The following PSMA1 variants were observed in gnomAD, a reference collection of about 807,000 sequenced individuals.
The protein encoded by PSMA1 is proteasome subunit alpha type-1.
In PSMA1, 3 loss-of-function variants were observed where a neutral mutation model predicts 38.4. The observed-to-expected ratio is 0.08, with a 90% confidence interval of 0.04 to 0.20. PSMA1 has a LOEUF of 0.20. Ranked by LOEUF, PSMA1 falls within the 10% of genes least tolerant of loss-of-function variation. The pLI, the probability that PSMA1 is intolerant of heterozygous loss-of-function variation, is 1.00. For synonymous variants in PSMA1, 101 were observed against 107.1 expected, an observed-to-expected ratio of 0.94 and a Z score of 0.35; for missense variants, 227 against 325.3, an observed-to-expected ratio of 0.70 and a Z score of 2.32.
At chr11:14,600,563 G>C (rs951294593) in intron 2 of PSMA1, among the ~76,000 whole-genome samples, 1 of 152,358 alleles carries the variant, frequency 6.6e-6, no homozygotes, top group South Asian at 2.1e-4. Context: ...GCACGGAAGA[G>C]AATCACCTTG....
At chr11:14,599,014 T>TA (rs1852542188) in intron 2 of PSMA1, among the ~76,000 whole-genome samples, 3 of 152,134 alleles carry the variant, frequency 2.0e-5, no homozygotes, top group Admixed American at 2.0e-4. Context: ...TTTGGCTGGA[T>TA]ATGAAATTCT....
intron 2 of PSMA1, among the ~76,000 whole-genome samples, chr11:14,553,472 C>A (rs1589990951): frequency 6.6e-6 from 1 of 152,146 alleles, no homozygotes; most frequent in Non-Finnish European, 1.5e-5. Flanking sequence ...TATGGTCACA[C>A]CTGTACTGCC....
At chr11:14,631,855 T>C (rs1190290363) in intron 1 of PSMA1, among the ~76,000 whole-genome samples, 2 of 150,894 alleles carry the variant, frequency 1.3e-5, no homozygotes, top group East Asian at 1.9e-4. Flanking sequence ...TGCTCCTGTA[T>C]TGGGTGCATA....
At chr11:14,514,195 T>C in intron 5 of PSMA1, 1 of 1,344,344 alleles carries the variant, frequency 7.4e-7, no homozygotes, top group Non-Finnish European at 9.5e-7. Flanking sequence ...TCTAAAAAGA[T>C]GCTTAGATGA....
At chr11:14,510,845 T>C (rs1851330767) in intron 8 of PSMA1, 27 bp downstream of exon 8, 15 of 1,514,654 alleles carry the variant, frequency 9.9e-6, no homozygotes, top group African/African-American at 1.4e-5. Flanking sequence ...AACGTTAATA[T>C]CTACAATTGG....
At chr11:14,553,341 AT>A (rs1461896245) in intron 2 of PSMA1, among the ~76,000 whole-genome samples, 1 of 152,116 alleles carries the variant, frequency 6.6e-6, no homozygotes, top group Non-Finnish European at 1.5e-5. Flanking sequence ...GTTTTTACCT[AT>A]ACTCGTGTGT....
intron 1 of PSMA1, among the ~76,000 whole-genome samples, chr11:14,628,143 T>C (rs1409076287): frequency 1.3e-5 from 2 of 152,188 alleles, no homozygotes; most frequent in Non-Finnish European, 2.9e-5. Flanking sequence ...ATCTAATGCC[T>C]GATGATCTGA....
chr11:14,558,949 T>G (rs1196038941), intron 2 of PSMA1, among the ~76,000 whole-genome samples: 1 of 152,196 alleles, frequency 6.6e-6, no homozygotes, highest in Admixed American at 6.5e-5. Flanking sequence ...GAGCTCTGGG[T>G]TGTTGGTCAA....
chr11:14,584,491 G>GTTTTTTTTTT (rs1442575192), intron 2 of PSMA1, among the ~76,000 whole-genome samples: 1 of 134,088 alleles, frequency 7.5e-6, no homozygotes, highest in African/African-American at 3.0e-5. Flanking sequence ...GGTTTGGAGT[G>GTTTTTTTTTT]TTTTTTTTGT....
Position 14,633,397 on chromosome 11 carries a change from G to A in PSMA1, c.-166+10058C>T, listed in dbSNP as rs1233461700. ...TGCAGGTCTGTTGGAGTACCCTGCC[G>A]TGTGAGGTGTCAGTGTGCCCCTGCT... On this transcript the variant is annotated intron_variant, in intron 1 of 10. Coordinates refer to the PSMA1 transcript ENST00000418988. Among the ~76,000 whole-genome samples the A allele has an allele frequency of 3.9e-5, 6 of 151,948 alleles. No individual in the cohort carries two copies. In the East Asian group the frequency reaches 7.7e-4, roughly 20 times the overall value.
intron 1 of PSMA1, among the ~76,000 whole-genome samples, chr11:14,623,950 G>T (rs79437470): frequency 6.6e-6 from 1 of 152,218 alleles, no homozygotes; most frequent in Admixed American, 6.5e-5. Context: ...GTACAGGCTT[G>T]TCTTTCCTGA....
chr11:14,513,933 T>C, intron 5 of PSMA1, 46 bp from the exon 6 acceptor site: 1 of 1,530,960 alleles, frequency 6.5e-7, no homozygotes, highest in Non-Finnish European at 8.7e-7. Flanking sequence ...TGAAGTACTG[T>C]CTTTATTTTC....
intron 1 of PSMA1, among the ~76,000 whole-genome samples, chr11:14,632,453 T>C (rs1189412607): frequency 7.0e-6 from 1 of 142,840 alleles, no homozygotes; most frequent in Non-Finnish European, 1.5e-5. Context: ...TATGAAATTC[T>C]GGGTTGAAAA....
chr11:14,536,455 A>G (rs1302056336), intron 2 of PSMA1, among the ~76,000 whole-genome samples: 1 of 151,794 alleles, frequency 6.6e-6, no homozygotes, highest in Admixed American at 6.6e-5. Context: ...TGAACCCGGG[A>G]GGTGGAGGTT....
intron 2 of PSMA1, among the ~76,000 whole-genome samples, chr11:14,549,454 C>A (rs1851862534): frequency 6.6e-6 from 1 of 152,128 alleles, no homozygotes; most frequent in Non-Finnish European, 1.5e-5. Context: ...GTAATCCCAG[C>A]ACTTTGGGAG....
chr11:14,547,011 T>A (rs1209380012), intron 2 of PSMA1, among the ~76,000 whole-genome samples: 1 of 152,214 alleles, frequency 6.6e-6, no homozygotes, highest in Non-Finnish European at 1.5e-5. Context: ...AGGAAAACAG[T>A]GGCTCAAGTT....
chr11:14,523,690 C>A (rs754082697), upstream of PSMA1, among the ~76,000 whole-genome samples: 2 of 151,560 alleles, frequency 1.3e-5, no homozygotes, highest in Non-Finnish European at 2.9e-5. Flanking sequence ...CCCAAGTGAT[C>A]CTCCTACCTC....
chr11:14,505,547 CTTTTTT>C (rs1851231768), intron 9 of PSMA1, among the ~76,000 whole-genome samples: 2 of 150,400 alleles, frequency 1.3e-5, no homozygotes, highest in Non-Finnish European at 3.0e-5. Flanking sequence ...TTTTCTTTTT[CTTTTTT>C]GTTTGCTTTT....
At chr11:14,639,842 C>T (rs935619975) in intron 1 of PSMA1, among the ~76,000 whole-genome samples, 1 of 152,186 alleles carries the variant, frequency 6.6e-6, no homozygotes, top group Admixed American at 6.5e-5. Context: ...AAATCACTTT[C>T]TCTGAGTCCT....
Sources: allele counts gnomAD v4.1 joint callset (sites outside exome capture counted in the v4.1 genomes callset), GRCh38; gene constraint gnomAD v4.1.1; transcripts MANE v1.5; gene names NCBI Gene and HGNC (gene_info 2026-07-23, HGNC 2026-07-21).